The following MAGI3 variants were observed in gnomAD, a reference collection of about 807,000 sequenced individuals.
MAGI3 encodes the protein membrane associated guanylate kinase, WW and PDZ domain containing 3.
In MAGI3, 43 loss-of-function variants were observed where a neutral mutation model predicts 121.8. That is an observed-to-expected ratio of 0.35 (90% CI 0.28 to 0.46). MAGI3 has a LOEUF of 0.46. MAGI3 is among the 20% of genes least tolerant of loss of function. The probability of loss-of-function intolerance (pLI) is 1.00; values close to 1 mark genes in which losing one functional copy is unlikely to be tolerated. For missense variants in MAGI3, 1,547 were observed against 1,797.3 expected (o/e 0.86, Z 2.52); for synonymous variants, 553 against 639.3 (o/e 0.86, Z 2.04).
chr1:113,437,792 T>G (rs923838734), intron 1 of MAGI3, among the ~76,000 whole-genome samples: 7 of 148,866 alleles, frequency 4.7e-5, no homozygotes, highest in African/African-American at 1.3e-4. Context: ...TTCTTCTTCC[T>G]TCTTCTTTCT....
At position 113,415,455 on chromosome 1, in the gene MAGI3, C is replaced by T. The variant is rs142855634; in HGVS notation, c.316+24106C>T. The stretch of plus-strand genomic sequence containing the variant: ...AGCAATAGTTGAGAATGAATAGTTT[C>T]TCCTTTTTTTCCTATCACTTTCTGC... On this transcript the variant is annotated intron_variant, in intron 1 of 20. Transcript: ENST00000307546. 1.0e-3 allele frequency among the ~76,000 whole-genome samples: 155 copies of T among 152,144 alleles called. 3 individuals carry two copies. The East Asian group carries it at 0.024, about 24-fold the overall frequency.
At chr1:113,565,147 AC>A (rs1660392254) in intron 2 of MAGI3, among the ~76,000 whole-genome samples, 1 of 152,048 alleles carries the variant, frequency 6.6e-6, no homozygotes, top group South Asian at 2.1e-4. Flanking sequence ...ACCGAGCCCA[AC>A]CCTGAAATGA....
At chr1:113,559,364 T>A (rs556892058) in intron 2 of MAGI3, among the ~76,000 whole-genome samples, 1 of 152,254 alleles carries the variant, frequency 6.6e-6, no homozygotes, top group South Asian at 2.1e-4. Context: ...GGAAAATTTA[T>A]CAAGCCAATG....
intron 1 of MAGI3, among the ~76,000 whole-genome samples, chr1:113,497,221 G>GCCTGGGTGTCA (rs1553192742): frequency 7.6e-5 from 9 of 118,404 alleles, no homozygotes; most frequent in East Asian, 5.7e-4. Context: ...CACACCACTG[G>GCCTGGGTGTCA]AATAGGAACA....
intron 10 of MAGI3, 68 bp from the exon 11 acceptor site, chr1:113,643,675 C>T: frequency 6.9e-7 from 1 of 1,439,916 alleles, no homozygotes. Context: ...TTATCGTAAA[C>T]ATTAGCAGTA....
intron 1 of MAGI3, among the ~76,000 whole-genome samples, chr1:113,423,224 C>A (rs924850494): frequency 1.3e-4 from 18 of 140,070 alleles, no homozygotes; most frequent in African/African-American, 4.9e-4. Flanking sequence ...TATCTGCAGG[C>A]AGGTTGTCCT....
chr1:113,538,835 A>G (rs934753411), intron 1 of MAGI3, among the ~76,000 whole-genome samples: 5 of 152,326 alleles, frequency 3.3e-5, no homozygotes, highest in Middle Eastern at 3.4e-3. Context: ...TATCCTAGGA[A>G]TGGTGAAAAT....
intron 2 of MAGI3, among the ~76,000 whole-genome samples, chr1:113,555,221 G>A (rs574477070): frequency 6.6e-6 from 1 of 151,958 alleles, no homozygotes; most frequent in Non-Finnish European, 1.5e-5. Context: ...GAAGTTTTCA[G>A]CAGCAGATAT....
At chr1:113,518,461 C>A (rs1012272210) in intron 1 of MAGI3, among the ~76,000 whole-genome samples, 1 of 151,512 alleles carries the variant, frequency 6.6e-6, no homozygotes, top group African/African-American at 2.4e-5. Context: ...CAGAAAGGAA[C>A]CTTACTGTTT....
At chr1:113,643,999 A>C (rs951553955) in intron 11 of MAGI3, among the ~76,000 whole-genome samples, 5 of 152,206 alleles carry the variant, frequency 3.3e-5, no homozygotes, top group Admixed American at 2.0e-4. Context: ...AGGATTACTA[A>C]AGGCCTATTG....
intron 9 of MAGI3, among the ~76,000 whole-genome samples, chr1:113,641,048 T>TGA (rs1652462434): frequency 9.3e-6 from 1 of 107,806 alleles, no homozygotes; most frequent in Non-Finnish European, 1.8e-5. Flanking sequence ...ATAATATATA[T>TGA]GATATATTAT....
chr1:113,669,253 A>G (rs903444618), intron 16 of MAGI3, among the ~76,000 whole-genome samples: 1 of 152,212 alleles, frequency 6.6e-6, no homozygotes, highest in Non-Finnish European at 1.5e-5. Context: ...GCAAATGTGG[A>G]AGAACTTATG....
At chr1:113,649,710 C>T (rs1415192884) in intron 13 of MAGI3, among the ~76,000 whole-genome samples, 1 of 152,220 alleles carries the variant, frequency 6.6e-6, no homozygotes, top group Non-Finnish European at 1.5e-5. Context: ...CTTCTGGATG[C>T]TCCATAAATG....
In MAGI3 at chr1:113,641,093, A is replaced by ATGATATAT. The variant is rs1557869132; in HGVS notation, c.1361-817_1361-816insGATATATT. 5.4e-3 allele frequency among the ~76,000 whole-genome samples: 335 copies of ATGATATAT among 61,740 alleles called. 11 individuals are homozygous for ATGATATAT. The highest frequency in any genetic ancestry group is 9.1e-3 in the Non-Finnish European group (296 of 32,614). The allele number at this position is 61,740 out of a possible 152,430, so 40.5% of individuals were successfully genotyped here. A position where few individuals can be genotyped will look rare whatever the true frequency, so the allele number is the denominator to read the frequency against. ...ATATAATATATATGAGATATATATT[A>ATGATATAT]TATATATGATATATAAATATATATG... On this transcript the variant is annotated intron_variant, in intron 9 of 20. Coordinates refer to ENST00000307546, the MANE Select transcript of MAGI3 (RefSeq NM_001142782.2).
At chr1:113,482,433 A>G (rs1375119913) in intron 1 of MAGI3, among the ~76,000 whole-genome samples, 2 of 152,024 alleles carry the variant, frequency 1.3e-5, no homozygotes, top group African/African-American at 4.8e-5. Flanking sequence ...TGCCAGGCTC[A>G]AGTGATCCTT....
chr1:113,460,057 A>C (rs965218983), intron 1 of MAGI3, among the ~76,000 whole-genome samples: 3 of 152,234 alleles, frequency 2.0e-5, no homozygotes, highest in Admixed American at 2.0e-4. Flanking sequence ...CAGCACATAA[A>C]AAAGGTAATC....
At chr1:113,509,110 G>C (rs1657484602) in intron 1 of MAGI3, among the ~76,000 whole-genome samples, 1 of 151,832 alleles carries the variant, frequency 6.6e-6, no homozygotes, top group African/African-American at 2.4e-5. Flanking sequence ...TGATATAAGG[G>C]TTTGTTTTTT....
At chr1:113,585,129 T>C (rs1331692703) in intron 3 of MAGI3, among the ~76,000 whole-genome samples, 1 of 151,840 alleles carries the variant, frequency 6.6e-6, no homozygotes, top group Non-Finnish European at 1.5e-5. Flanking sequence ...CTACCATACC[T>C]GGCTAATTTT....
intron 1 of MAGI3, among the ~76,000 whole-genome samples, chr1:113,503,045 A>C: frequency 1.6e-5 from 1 of 60,748 alleles, no homozygotes; most frequent in East Asian, 7.8e-4. Flanking sequence ...AGGAAGGGGA[A>C]TATCACACTC....
Sources: gnomAD v4.1 joint callset for allele counts (sites outside exome capture counted in the v4.1 genomes callset) on GRCh38, gnomAD v4.1.1 for gene constraint, MANE v1.5 for transcripts, NCBI Gene and HGNC (gene_info 2026-07-23, HGNC 2026-07-21) for gene names.